PLD1: variants seen among roughly 807,000 people sequenced by gnomAD.
PLD1 encodes choline phosphatase 1.
A neutral mutation model predicts 137.1 loss-of-function variants in PLD1; 112 were observed. The observed-to-expected ratio is 0.82, with a 90% confidence interval of 0.70 to 0.96. The LOEUF is 0.96. Among genes scored for constraint, PLD1 ranks in the 40% least tolerant of loss-of-function variants. The pLI is 0.00. For synonymous variants in PLD1, 431 were observed against 454.7 expected, an observed-to-expected ratio of 0.95 and a Z score of 0.66; for missense variants, 1,321 against 1,342.0, an observed-to-expected ratio of 0.98 and a Z score of 0.24.
At chr3:171,621,902 C>G (rs754617766) in intron 23 of PLD1, among the ~76,000 whole-genome samples, 1 of 152,112 alleles carries the variant, frequency 6.6e-6, no homozygotes, top group African/African-American at 2.4e-5. Flanking sequence ...TAGTATCTTA[C>G]AAACATTTAT....
rs77264235 is a variant in PLD1, at chr3:171,682,993, G to A, written c.1867+3692C>T. ...GTGGGAAAAAAATAAATCACCTCACGCTCCATCTTCCTAACAAAGATAGCA... is the reference window on the plus strand; with the variant it reads ...GTGGGAAAAAAATAAATCACCTCACACTCCATCTTCCTAACAAAGATAGCA... On this transcript the variant is annotated intron_variant, in intron 16 of 26. Coordinates refer to ENST00000351298, the MANE Select transcript of PLD1 (RefSeq NM_002662.5). 7.5e-3 allele frequency among the ~76,000 whole-genome samples: 1,137 copies of A among 152,198 alleles called. 7 individuals are homozygous for A. Among genetic ancestry groups the A allele is most frequent in the Non-Finnish European group, 0.011 (750 of 68,016 alleles).
At position 171,612,181 on chromosome 3, in the gene PLD1, G is replaced by T; in HGVS notation, c.2882+98C>A. 1 of 1,046,072 alleles carries T rather than the reference G, an allele frequency of 9.6e-7. No individual in the cohort carries two copies. Among genetic ancestry groups the T allele is most frequent in the Non-Finnish European group, 1.4e-6 (1 of 698,584 alleles). 64.8% of individuals were successfully genotyped at this position (1,046,072 alleles called of 1,614,324 possible). ...GGGACACACTGTTTTAGATGAAGAA[G>T]AACCTAGGATGACCCATGTGCTCAG... is the stretch of plus-strand genomic sequence containing the variant. On this transcript the variant is annotated intron_variant, in intron 25 of 26. Transcript: ENST00000351298. The surrounding 1 kb of genome is among the most constrained non-coding windows in gnomAD (Gnocchi z 4.1).
At chr3:171,768,587 A>G (rs1229728354) in intron 1 of PLD1, among the ~76,000 whole-genome samples, 6 of 152,166 alleles carry the variant, frequency 3.9e-5, no homozygotes, top group African/African-American at 1.4e-4. Context: ...TTCATCTCTA[A>G]TACCACTACT....
intron 1 of PLD1, among the ~76,000 whole-genome samples, chr3:171,785,677 T>TCTGC (rs951668414): frequency 1.3e-5 from 2 of 152,240 alleles, no homozygotes; most frequent in African/African-American, 4.8e-5. Context: ...GACCTCATGA[T>TCTGC]CTGCCCGCCT....
intron 1 of PLD1, among the ~76,000 whole-genome samples, chr3:171,782,290 C>T (rs565303288): frequency 1.4e-4 from 22 of 152,216 alleles, no homozygotes; most frequent in Non-Finnish European, 2.6e-4. Context: ...CTTTCTGTGG[C>T]GATGGTCATG....
At chr3:171,654,178 C>CA in intron 21 of PLD1, 1 of 336,652 alleles carries the variant, frequency 3.0e-6, no homozygotes, top group South Asian at 2.1e-5. Context: ...TGGCGGGTGC[C>CA]TGTAATCCCA....
chr3:171,740,760 AT>A (rs1366960804), intron 1 of PLD1, among the ~76,000 whole-genome samples: 13 of 152,234 alleles, frequency 8.5e-5, no homozygotes, highest in Admixed American at 1.3e-4. Context: ...AAAACATCTT[AT>A]CATTTATCAA....
intron 1 of PLD1, chr3:171,793,860 G>A (rs1218359552): frequency 6.6e-6 from 1 of 152,206 alleles, no homozygotes; most frequent in East Asian, 1.9e-4. Flanking sequence ...ATCACAAGAA[G>A]GGGCTGGGAG....
At chr3:171,729,174 C>A (rs1472862171) in intron 6 of PLD1, among the ~76,000 whole-genome samples, 2 of 152,168 alleles carry the variant, frequency 1.3e-5, no homozygotes, top group African/African-American at 4.8e-5. Flanking sequence ...AGGGCTTATT[C>A]CATTGATCTT....
chr3:171,781,421 A>C (rs1722792085), intron 1 of PLD1, among the ~76,000 whole-genome samples: 1 of 152,166 alleles, frequency 6.6e-6, no homozygotes, highest in South Asian at 2.1e-4. Flanking sequence ...AGACTTAGCC[A>C]AAGTTCAAAA....
In PLD1 at chr3:171,795,263, C is replaced by A. The variant is rs570678262; in HGVS notation, c.-32+15136G>T. 5.3e-5 allele frequency among the ~76,000 whole-genome samples: 8 copies of A among 152,326 alleles called. No homozygotes were observed. The East Asian group carries it at 7.7e-4, about 15-fold the overall frequency. The stretch of plus-strand genomic sequence containing the variant: ...CTGTTTCATGTGTCGCCCATGGGAA[C>A]CTGGCAGTCATACATGTGCAATCCA... On this transcript the variant is annotated intron_variant, in intron 1 of 26. Transcript: ENST00000351298.
chr3:171,684,254 A>G (rs1714322766), intron 16 of PLD1, among the ~76,000 whole-genome samples: 1 of 152,198 alleles, frequency 6.6e-6, no homozygotes, highest in Non-Finnish European at 1.5e-5. Flanking sequence ...ATCAGTCATA[A>G]TTCAGATCCA....
At chr3:171,615,029 T>C (rs559722393) in intron 24 of PLD1, among the ~76,000 whole-genome samples, 67 of 152,344 alleles carry the variant, frequency 4.4e-4, no homozygotes, top group African/African-American at 1.5e-3. Flanking sequence ...TGCTATTTAA[T>C]AGGCATGTGA....
chr3:171,682,558 T>C (rs982580156), intron 16 of PLD1, among the ~76,000 whole-genome samples: 5 of 152,274 alleles, frequency 3.3e-5, no homozygotes, highest in Non-Finnish European at 7.3e-5. Flanking sequence ...AGTCACTCCA[T>C]GCTTAATTTG....
chr3:171,800,367 C>T (rs1455118403), intron 1 of PLD1, among the ~76,000 whole-genome samples: 1 of 152,092 alleles, frequency 6.6e-6, no homozygotes, highest in Non-Finnish European at 1.5e-5. Flanking sequence ...CACCACCACA[C>T]CTGGCTAATT....
chr3:171,739,630 A>C (rs1451095936), intron 1 of PLD1, among the ~76,000 whole-genome samples: 2 of 152,178 alleles, frequency 1.3e-5, no homozygotes, highest in Non-Finnish European at 2.9e-5. Context: ...GTTTACATAC[A>C]TTGTCTCATT....
chr3:171,709,444 GT>G (rs1716967942), intron 10 of PLD1, 115 bp downstream of exon 10: 3 of 749,374 alleles, frequency 4.0e-6, no homozygotes, highest in Non-Finnish European at 6.4e-6. Flanking sequence ...AGAAGCCCTT[GT>G]TAAGTATAAT....
chr3:171,766,796 G>A (rs1722005845), intron 1 of PLD1, among the ~76,000 whole-genome samples: 2 of 152,112 alleles, frequency 1.3e-5, no homozygotes, highest in Non-Finnish European at 2.9e-5. Context: ...TCAAAGATCA[G>A]AATTTTTATT....
At position 171,668,497 on chromosome 3, in the gene PLD1, T is replaced by C. The variant is rs1712395688; in HGVS notation, c.2229+6003A>G. Among the ~76,000 whole-genome samples the C allele has an allele frequency of 2.6e-5, 4 of 152,210 alleles. 1 individual carries two copies. The South Asian group carries it at 8.3e-4, about 32-fold the overall frequency. On this transcript the variant is annotated intron_variant, in intron 19 of 26. Transcript: ENST00000351298. ...TGAAAACAATTTTTTTTCAGTGGTA[T>C]AATTTGGATGTTATTTATACTTTCT... is the stretch of plus-strand genomic sequence containing the variant.
Sources: gnomAD v4.1 joint callset for allele counts (sites outside exome capture counted in the v4.1 genomes callset) on GRCh38, gnomAD v4.1.1 for gene constraint, Gnocchi (gnomAD v3.1) non-coding constraint, MANE v1.5 for transcripts, NCBI Gene and HGNC (gene_info 2026-07-23, HGNC 2026-07-21) for gene names.